Variants in AAMDC observed in about 807,000 individuals in gnomAD.
AAMDC encodes adipogenesis associated Mth938 domain containing, also known as mth938 domain-containing protein.
A neutral mutation model predicts 15.5 loss-of-function variants in AAMDC; 16 were observed. That is an observed-to-expected ratio of 1.03 (90% confidence interval 0.70 to 1.57). The LOEUF (loss-of-function observed/expected upper bound fraction) is 1.57, where lower values mean the gene tolerates loss of function less well. Among genes scored for constraint, AAMDC ranks in the 40% most tolerant of loss-of-function variants. AAMDC has a pLI of 0.00. For synonymous variants in AAMDC, 51 were observed against 51.6 expected, an observed-to-expected ratio of 0.99 and a Z score of 0.05; for missense variants, 141 against 144.9, an observed-to-expected ratio of 0.97 and a Z score of 0.14.
chr11:77,843,688 C>T (rs1281724880), intron 2 of AAMDC, among the ~76,000 whole-genome samples: 1 of 152,172 alleles, frequency 6.6e-6, no homozygotes, highest in African/African-American at 2.4e-5. Context: ...TCTCACAGTT[C>T]TGGAGACTGA....
intron 1 of AAMDC, among the ~76,000 whole-genome samples, chr11:77,826,754 T>G (rs1004023960): frequency 2.0e-5 from 3 of 152,190 alleles, no homozygotes; most frequent in African/African-American, 7.2e-5. Context: ...TAACATGAAC[T>G]ATGGAAACTC....
rs114300484 is a variant in AAMDC at position 77,827,965 on chromosome 11, G to A, written c.-19+6724G>A. Among the ~76,000 whole-genome samples the A allele has an allele frequency of 4.4e-3, 665 of 152,196 alleles. 4 individuals carry two copies. Among genetic ancestry groups the A allele is most frequent in the African/African-American group, 0.015 (630 of 41,534 alleles). On this transcript the variant is annotated intron_variant, in intron 1 of 3. Coordinates refer to ENST00000393427, the MANE Select transcript of AAMDC (RefSeq NM_024684.4). ...AAATCCTGTGTTATTCTGTACATTA[G>A]CAATGAACAATCCAAAAATGAAATC...
downstream of AAMDC, among the ~76,000 whole-genome samples, chr11:77,876,191 G>T (rs1951589387): frequency 6.6e-6 from 1 of 152,148 alleles, no homozygotes; most frequent in South Asian, 2.1e-4. Flanking sequence ...TGCCAAACAG[G>T]TTTCTGGCTC....
At position 77,833,298 on chromosome 11, in the gene AAMDC, G is replaced by C. The variant is rs148347646; in HGVS notation, c.-18-9181G>C. On this transcript the variant is annotated intron_variant, in intron 1 of 3. Transcript: ENST00000393427. ...CAACTGACCATAATACAGAATCAGT[G>C]GGAGCCCTGAGCTTGTTTTCCTACA... 3.8e-4 allele frequency among the ~76,000 whole-genome samples: 58 copies of C among 152,114 alleles called. 1 individual carries two copies. The East Asian group carries it at 0.01, about 26-fold the overall frequency.
chr11:77,864,193 T>G (rs553361463), intron 2 of AAMDC, among the ~76,000 whole-genome samples: 221 of 152,178 alleles, frequency 1.5e-3, no homozygotes, highest in African/African-American at 5.0e-3. Context: ...TCCCAAAGTG[T>G]TGGGATTACA....
downstream of AAMDC, chr11:77,900,809 CA>C (rs1565232768): frequency 1.7e-6 from 1 of 592,458 alleles, no homozygotes. Context: ...GAAAGTCTTA[CA>C]GATATAATTA....
At chr11:77,897,775 G>T in intron 5 of AAMDC, among the ~76,000 whole-genome samples, 1 of 151,752 alleles carries the variant, frequency 6.6e-6, no homozygotes, top group South Asian at 2.1e-4. Flanking sequence ...AAAGTGCTGG[G>T]GTTACAGGCG....
chr11:77,822,786 A>G (rs958546093), intron 1 of AAMDC, among the ~76,000 whole-genome samples: 1 of 152,226 alleles, frequency 6.6e-6, no homozygotes, highest in Non-Finnish European at 1.5e-5. Context: ...ATTTCACTGT[A>G]AGAAATACTG....
At chr11:77,857,198 G>T (rs1426467653) in intron 2 of AAMDC, among the ~76,000 whole-genome samples, 1 of 152,208 alleles carries the variant, frequency 6.6e-6, no homozygotes, top group Non-Finnish European at 1.5e-5. Flanking sequence ...TGCCACGGTA[G>T]ATGAACCAAG....
chr11:77,844,183 T>C (rs1410326366), intron 2 of AAMDC, among the ~76,000 whole-genome samples: 2 of 152,216 alleles, frequency 1.3e-5, no homozygotes, highest in African/African-American at 4.8e-5. Context: ...AGCTAGCTTT[T>C]GGGCTTCTTA....
intron 1 of AAMDC, among the ~76,000 whole-genome samples, chr11:77,841,844 A>G (rs1238939439): frequency 6.6e-6 from 1 of 152,160 alleles, no homozygotes; most frequent in Non-Finnish European, 1.5e-5. Context: ...GCCACCTTCT[A>G]TCCATGTTTG....
At chr11:77,823,068 G>C (rs11237306) in intron 1 of AAMDC, among the ~76,000 whole-genome samples, 43 of 151,978 alleles carry the variant, frequency 2.8e-4, no homozygotes, top group African/African-American at 1.0e-3. Context: ...CAAAAAATTA[G>C]CCGGGCGTGG....
chr11:77,900,745 A>G (rs1591032694), downstream of AAMDC: 1 of 626,692 alleles, frequency 1.6e-6, no homozygotes, highest in Non-Finnish European at 2.8e-6. Flanking sequence ...AGAAGTTACA[A>G]TAATAAAAAA....
intron 1 of AAMDC, 105 bp downstream of exon 1, chr11:77,821,346 G>A (rs1045455736): frequency 6.3e-6 from 1 of 158,694 alleles, no homozygotes; most frequent in East Asian, 1.8e-4. Flanking sequence ...GCACAGTTGT[G>A]GGAGAAGGTT....
intron 3 of AAMDC, among the ~76,000 whole-genome samples, chr11:77,871,573 AC>A (rs1179673656): frequency 6.6e-6 from 1 of 152,240 alleles, no homozygotes; most frequent in Non-Finnish European, 1.5e-5. Context: ...GCTGCAGTGT[AC>A]ATACATGAGT....
intron 1 of AAMDC, among the ~76,000 whole-genome samples, chr11:77,822,915 C>CTT (rs1403080249): frequency 2.0e-5 from 3 of 152,114 alleles, no homozygotes; most frequent in Admixed American, 2.0e-4. Flanking sequence ...AATAAAAAAG[C>CTT]TTTTAAGAAA....
At chr11:77,897,265 G>A (rs1384040961) in intron 5 of AAMDC, among the ~76,000 whole-genome samples, 1 of 151,534 alleles carries the variant, frequency 6.6e-6, no homozygotes, top group Non-Finnish European at 1.5e-5. Flanking sequence ...AGGCCGAGGT[G>A]GAAGGACACT....
At chr11:77,898,325 G>T (rs1308630235) in intron 5 of AAMDC, among the ~76,000 whole-genome samples, 1 of 152,040 alleles carries the variant, frequency 6.6e-6, no homozygotes, top group African/African-American at 2.4e-5. Context: ...ACCATGCCTG[G>T]CTAATTTTTT....
chr11:77,857,771 AC>A (rs575913706), intron 2 of AAMDC, among the ~76,000 whole-genome samples: 119 of 149,668 alleles, frequency 8.0e-4, no homozygotes, highest in African/African-American at 2.7e-3. Context: ...ATCTTGGCTC[AC>A]TGCAGCCTCC....
Sources: gnomAD v4.1 joint callset for allele counts (sites outside exome capture counted in the v4.1 genomes callset) on GRCh38, gnomAD v4.1.1 for gene constraint, MANE v1.5 for transcripts, NCBI Gene and HGNC (gene_info 2026-07-23, HGNC 2026-07-21) for gene names.